The following ABCC10 variants were observed in gnomAD, a reference collection of about 807,000 sequenced individuals.
The protein encoded by ABCC10 is ATP-binding cassette sub-family C member 10.
In ABCC10, 110 loss-of-function variants were observed where a neutral mutation model predicts 143.2. The observed-to-expected ratio is 0.77, with a 90% confidence interval of 0.66 to 0.90. ABCC10 has a LOEUF of 0.90. Ranked by LOEUF, ABCC10 falls within the 40% of genes least tolerant of loss-of-function variation. ABCC10 has a pLI of 0.00. For missense variants in ABCC10, 1,700 were observed against 1,900.5 expected (o/e 0.89, Z 1.96); for synonymous variants, 805 against 846.7 (o/e 0.95, Z 0.85).
At chr6:43,428,777 T>C (rs1021677731) in intron 2 of ABCC10, among the ~76,000 whole-genome samples, 23 of 152,206 alleles carry the variant, frequency 1.5e-4, no homozygotes, top group African/African-American at 5.5e-4. Flanking sequence ...GACGGTGTGG[T>C]CTCTGCCTTT....
At chr6:43,450,996 T>C (rs1451292128), downstream of ABCC10, 5 of 1,613,966 alleles carry the variant, frequency 3.1e-6, no homozygotes, top group South Asian at 1.1e-5. This position sits in a 1 kb window ranked among gnomAD's most constrained non-coding sequence, Gnocchi z 4.5. Flanking sequence ...GTCGAAGTCG[T>C]GGACACGGTC....
chr6:43,429,372 T>TTTTGTGTGTGTGTGTG (rs1780869728), intron 2 of ABCC10, among the ~76,000 whole-genome samples: 1 of 98,186 alleles, frequency 1.0e-5, no homozygotes, highest in Non-Finnish European at 1.8e-5. Context: ...CTTTTCTTTC[T>TTTTGTGTGTGTGTGTG]TGTGTGTGTG....
intron 16 of ABCC10, 86 bp downstream of exon 16, chr6:43,446,532 A>G: frequency 6.8e-7 from 1 of 1,474,168 alleles, no homozygotes; most frequent in Non-Finnish European, 9.0e-7. Context: ...TCCCCCCAAC[A>G]TTTTCACCTC....
In ABCC10 at chr6:43,432,869, A is replaced by G. The variant is rs1331596449; in HGVS notation, c.889A>G (p.Met297Val). The G allele has an allele frequency of 3.1e-6, 5 of 1,614,018 alleles. No individual in the cohort carries two copies. Among genetic ancestry groups the G allele is most frequent in the African/African-American group, 1.3e-5 (1 of 74,918 alleles). The change falls in exon 3 of 22, where the codon ATG becomes GTG. Residue 297 changes from methionine to valine, a missense_variant. Met to Val is a conservative substitution (Grantham distance 21, BLOSUM62 1). Coordinates refer to ENST00000372530, the MANE Select transcript of ABCC10 (RefSeq NM_001198934.2). Reference protein sequence around the residue: ...ALGLLKLVGTMLGFSGPLLLS... With the variant: ...ALGLLKLVGTVLGFSGPLLLS... ...TGGACTGCTGAAGCTGGTGGGGACCATGTTGGGATTCTCAGGGCCCCTGTT... is the reference window on the plus strand; with the variant it reads ...TGGACTGCTGAAGCTGGTGGGGACCGTGTTGGGATTCTCAGGGCCCCTGTT...
rs114002465 is a variant in ABCC10 at position 43,435,818 on chromosome 6, A to G, written c.1676A>G (p.Asn559Ser). 9.7e-5 allele frequency: 157 copies of G among 1,614,126 alleles called. No individual in the cohort carries two copies. Among genetic ancestry groups the G allele is most frequent in the African/African-American group, 6.0e-4 (45 of 75,022 alleles). Residue 559 changes from asparagine (N) to serine (S), a missense_variant, in exon 5 of 22, where the codon AAT becomes AGT. By Grantham distance (46) the Asn-to-Ser change is conservative. Transcript: ENST00000372530. ...CTCAACAACTTCCCTTGGGTGATCA[A>G]TGGTCTCCTGGAGGCCAAAGTGTCC... Reference protein sequence around the residue: ...LPLNNFPWVINGLLEAKVSLD... With the variant: ...LPLNNFPWVISGLLEAKVSLD...
At chr6:43,441,461 C>T (rs948345726) in intron 8 of ABCC10, among the ~76,000 whole-genome samples, 1 of 150,974 alleles carries the variant, frequency 6.6e-6, no homozygotes, top group Non-Finnish European at 1.5e-5. Flanking sequence ...GGCGACAGAG[C>T]GAGACTCCGT....
intron 20 of ABCC10, 28 bp from the exon 21 acceptor site, chr6:43,449,394 T>C (rs1213133173): frequency 1.3e-6 from 2 of 1,593,544 alleles, no homozygotes; most frequent in Non-Finnish European, 1.7e-6. Flanking sequence ...CCTTCCTTCT[T>C]ATCCCCTACC....
intron 2 of ABCC10, among the ~76,000 whole-genome samples, chr6:43,429,372 T>TTGTGTGTGTGTGTGTG (rs1201780354): frequency 2.4e-4 from 24 of 98,238 alleles, no homozygotes; most frequent in South Asian, 3.8e-4. Context: ...CTTTTCTTTC[T>TTGTGTGTGTGTGTGTG]TGTGTGTGTG....
intron 8 of ABCC10, 42 bp downstream of exon 8, chr6:43,438,837 C>A (rs1430332197): frequency 1.2e-6 from 2 of 1,607,308 alleles, no homozygotes; most frequent in Admixed American, 3.4e-5. Context: ...CCTGTTTCTC[C>A]AGTGTCCCTG....
In ABCC10 at chr6:43,427,748, A is replaced by G. The variant is rs1276937263; in HGVS notation, c.-21A>G. On this transcript the variant is annotated 5_prime_UTR_variant, in exon 1 of 22. Coordinates refer to ENST00000372530, the MANE Select transcript of ABCC10 (RefSeq NM_001198934.2). ...GGCGGAGAAACGGGAGGGGAAAAAC[A>G]GATGGCAAGGTGGGTGACCAGCGTC... 1.3e-5 allele frequency: 8 copies of G among 598,954 alleles called. No homozygotes were observed. Among genetic ancestry groups the G allele is most frequent in the Admixed American group, 2.9e-5 (1 of 34,898 alleles). 37.1% of individuals were successfully genotyped at this position (598,954 alleles called of 1,614,324 possible).
At chr6:43,450,580 G>T, downstream of ABCC10, 1 of 1,581,592 alleles carries the variant, frequency 6.3e-7, no homozygotes, top group Non-Finnish European at 8.6e-7. The surrounding 1 kb of genome is among the most constrained non-coding windows in gnomAD (Gnocchi z 4.5). Flanking sequence ...GGCAAGTCAC[G>T]TGGCAGGGGG....
At chr6:43,435,355 A>G (rs919228919) in intron 4 of ABCC10, among the ~76,000 whole-genome samples, 1 of 152,154 alleles carries the variant, frequency 6.6e-6, no homozygotes, top group Non-Finnish European at 1.5e-5. Flanking sequence ...CAACATGGTG[A>G]AACCTTGTCT....
intron 9 of ABCC10, among the ~76,000 whole-genome samples, chr6:43,442,574 A>G (rs925147919): frequency 1.6e-4 from 25 of 152,224 alleles, no homozygotes; most frequent in African/African-American, 6.0e-4. Flanking sequence ...CCTGTCTCCA[A>G]AAAAATTTAG....
In ABCC10 at chr6:43,432,862, G is replaced by A; in HGVS notation, c.882G>A (p.Val294=). Residue 294 remains valine (V), a synonymous_variant, in exon 3 of 22, where the codon GTG becomes GTA. Coordinates refer to ENST00000372530, the MANE Select transcript of ABCC10 (RefSeq NM_001198934.2). The part of the protein sequence containing the change: ...CYLALGLLKL[V]GTMLGFSGPL... ...TGGCACTTGGACTGCTGAAGCTGGT[G>A]GGGACCATGTTGGGATTCTCAGGGC... 1 of 1,614,144 alleles carries A rather than the reference G, an allele frequency of 6.2e-7. No homozygotes were observed.
rs1308217903 is a variant in ABCC10 at position 43,446,267 on chromosome 6, C to A, written c.3375-10C>A. The stretch of plus-strand genomic sequence containing the variant: ...GTGGAGTGGCTTCACATCCCTCTGG[C>A]CTTCCCTAGGTTTGAGGAGGAGAAC... On this transcript the variant is annotated splice_polypyrimidine_tract_variant and intron_variant, in intron 15 of 21. Transcript: ENST00000372530. 1 of 1,610,516 alleles carries A rather than the reference C, an allele frequency of 6.2e-7. No homozygotes were observed.
In ABCC10 at chr6:43,446,632, C is replaced by T. The variant is rs1016941417; in HGVS notation, c.3544+186C>T. 1.3e-5 allele frequency: 13 copies of T among 985,180 alleles called. No individual in the cohort carries two copies. In the African/African-American group the frequency reaches 2.1e-4, roughly 16 times the overall value. 61.0% of individuals were successfully genotyped at this position (985,180 alleles called of 1,614,324 possible). On this transcript the variant is annotated intron_variant, in intron 16 of 21. Transcript: ENST00000372530. ...AGACAATCCCCAGGAGGGACTTGCC[C>T]AGGTGGTGGTGGCTTGGGGACTAGA...
chr6:43,444,789 C>T lies in ABCC10; in HGVS notation c.2691C>T (p.Ala897=). The change falls in exon 13 of 22, where the codon GCC becomes GCT. Residue 897 remains alanine, a splice_region_variant and synonymous_variant. Coordinates refer to ENST00000372530, the MANE Select transcript of ABCC10 (RefSeq NM_001198934.2). The stretch of plus-strand genomic sequence containing the variant: ...TTTTTCCTTCCTGTCCCCACCCAGC[C>T]ACGCGGAACGCTGCTGACTGGTGGC... ...AILFSLLLMQ[A]TRNAADWWLS... The T allele has an allele frequency of 6.3e-7, 1 of 1,588,780 alleles. No homozygotes were observed. Among genetic ancestry groups the T allele is most frequent in the Non-Finnish European group, 8.6e-7 (1 of 1,168,600 alleles).
In ABCC10 at chr6:43,443,153, C is replaced by T. The variant is rs141995895; in HGVS notation, c.2410C>T (p.Arg804Trp). The T allele has an allele frequency of 2.3e-4, 373 of 1,596,262 alleles. 4 individuals are homozygous for T. In the South Asian group the frequency reaches 2.9e-3, roughly 12 times the overall value. The change falls in exon 10 of 22, where the codon CGG (arginine) becomes TGG (tryptophan). Residue 804 changes from arginine (R) to tryptophan (W), a missense_variant. Transcript: ENST00000372530. This position sits in a 1 kb window ranked among gnomAD's most constrained non-coding sequence, Gnocchi z 4.2. ...GCTGATGGAGGCCGGGCGCCTCATC[C>T]GGGCTGGTAATGGGGGCAGGAGCCC... ...VLLMEAGRLI[R>W]AGPPSEILPL...
At position 43,436,323 on chromosome 6, in the gene ABCC10, C is replaced by A. The variant is rs925662221; in HGVS notation, c.1875+76C>A. 5.2e-6 allele frequency: 8 copies of A among 1,531,732 alleles called. No individual in the cohort carries two copies. In the African/African-American group the frequency reaches 6.9e-5, roughly 13 times the overall value. The allele number at this position is 1,531,732 out of a possible 1,614,324, so 94.9% of individuals were successfully genotyped here. ...GGAACTCATGTCAGAGAAGCAGTGA[C>A]CGAGCCAATCATAGCTGATGGCTCT... On this transcript the variant is annotated intron_variant, in intron 6 of 21. Transcript: ENST00000372530.
Sources: gnomAD v4.1 joint callset for allele counts (sites outside exome capture counted in the v4.1 genomes callset) on GRCh38, gnomAD v4.1.1 for gene constraint, Gnocchi (gnomAD v3.1) non-coding constraint, MANE v1.5 for transcripts, NCBI Gene and HGNC (gene_info 2026-07-23, HGNC 2026-07-21) for gene names.